The following ANKRD30B variants were observed in gnomAD, a reference collection of about 807,000 sequenced individuals.
ANKRD30B encodes the protein ankyrin repeat domain-containing protein 30B.
A neutral mutation model predicts 202.2 loss-of-function variants in ANKRD30B; 144 were observed. That is an observed-to-expected ratio of 0.71 (90% CI 0.62 to 0.82). The LOEUF (loss-of-function observed/expected upper bound fraction) is 0.82. Among genes scored for constraint, ANKRD30B ranks in the 40% least tolerant of loss-of-function variants. ANKRD30B has a pLI of 0.00. For missense variants in ANKRD30B, 1,487 were observed against 1,669.1 expected, an observed-to-expected ratio of 0.89 and a Z score of 1.90; for synonymous variants, 508 against 561.3, an observed-to-expected ratio of 0.91 and a Z score of 1.34.
At chr18:14,829,651 A>T (rs1009085446) in intron 33 of ANKRD30B, among the ~76,000 whole-genome samples, 3 of 152,210 alleles carry the variant, frequency 2.0e-5, no homozygotes, top group African/African-American at 7.2e-5. Flanking sequence ...TTATCTAGAA[A>T]GGCATACTAA....
In ANKRD30B at chr18:14,791,427, G is replaced by A; in HGVS notation, c.1761G>A (p.Lys587=). Reference sequence around the variant, plus strand: ...GTCCCTGTGAGACGGTTTCACAGAAGGATGTGTATTTACCCAAAGCTACAC... The same window carrying A: ...GTCCCTGTGAGACGGTTTCACAGAAAGATGTGTATTTACCCAAAGCTACAC... ...SESPCETVSQ[K]DVYLPKATHQ... Residue 587 remains lysine, a synonymous_variant, in exon 16 of 44, where the codon AAG becomes AAA. Coordinates refer to ENST00000690538, the MANE Select transcript of ANKRD30B (RefSeq NM_001367607.2). 6.2e-7 allele frequency: 1 copy of A among 1,609,450 alleles called. No individual in the cohort carries two copies. Among genetic ancestry groups the A allele is most frequent in the Non-Finnish European group, 8.5e-7 (1 of 1,178,476 alleles).
intron 16 of ANKRD30B, among the ~76,000 whole-genome samples, chr18:14,794,965 T>C (rs189511596): frequency 0.017 from 2,601 of 152,318 alleles, 82 homozygotes; most frequent in African/African-American, 0.06. Flanking sequence ...GAAATGTCTG[T>C]TTTTTCTTGA....
intron 9 of ANKRD30B, among the ~76,000 whole-genome samples, chr18:14,774,296 A>T (rs1248487669): frequency 6.6e-6 from 1 of 152,134 alleles, no homozygotes; most frequent in Admixed American, 6.5e-5. Context: ...TTTTCATTTT[A>T]TTTAATGACT....
intron 15 of ANKRD30B, among the ~76,000 whole-genome samples, chr18:14,790,008 C>T (rs1359204238): frequency 6.6e-6 from 1 of 152,218 alleles, no homozygotes; most frequent in Non-Finnish European, 1.5e-5. Flanking sequence ...GATATTCATT[C>T]TTCCTACCCA....
the ANKRD30B span, among the ~76,000 whole-genome samples, chr18:14,913,606 A>C: frequency 1.3e-5 from 2 of 152,228 alleles, no homozygotes; most frequent in African/African-American, 2.4e-5. Flanking sequence ...TTACGTGGCA[A>C]GCCCTTACAA....
chr18:14,791,500 C>T lies in ANKRD30B; in HGVS notation c.1825+9C>T. The T allele has an allele frequency of 6.3e-7, 1 of 1,593,490 alleles. No individual in the cohort carries two copies. The highest frequency in any genetic ancestry group is 2.2e-5 in the East Asian group (1 of 44,522). On this transcript the variant is annotated intron_variant, in intron 16 of 43. Coordinates refer to ENST00000690538, the MANE Select transcript of ANKRD30B (RefSeq NM_001367607.2). ...AAGTGGAAAATTAGAAGGTAAGAAC[C>T]ATTTTTTAATTAAAAAGTCATTTGA...
chr18:14,820,207 G>C (rs1335181581), intron 30 of ANKRD30B, among the ~76,000 whole-genome samples: 1 of 152,158 alleles, frequency 6.6e-6, no homozygotes, highest in Non-Finnish European at 1.5e-5. Flanking sequence ...TTTGTACATT[G>C]ATTTTGTATC....
At chr18:14,795,046 A>G (rs1487730118) in intron 16 of ANKRD30B, among the ~76,000 whole-genome samples, 1 of 152,242 alleles carries the variant, frequency 6.6e-6, no homozygotes, top group Non-Finnish European at 1.5e-5. Flanking sequence ...AAATAGAATT[A>G]GTTTTAGCAA....
At chr18:14,755,737 C>A (rs1180672514) in intron 4 of ANKRD30B, among the ~76,000 whole-genome samples, 1 of 152,158 alleles carries the variant, frequency 6.6e-6, no homozygotes, top group Admixed American at 6.5e-5. Flanking sequence ...ATGAACTCAT[C>A]ATTTTTTATG....
intron 26 of ANKRD30B, among the ~76,000 whole-genome samples, chr18:14,809,551 T>C (rs979432022): frequency 4.0e-5 from 6 of 150,730 alleles, no homozygotes; most frequent in Non-Finnish European, 8.9e-5. Context: ...CATGCATCTG[T>C]TTATAGGCTC....
At chr18:14,861,196 G>C in the ANKRD30B span, among the ~76,000 whole-genome samples, 63 of 152,156 alleles carry the variant, frequency 4.1e-4, no homozygotes, top group Non-Finnish European at 8.2e-4. Context: ...AAAATGTACA[G>C]AACCTATAAA....
chr18:14,797,204 A>T (rs1364856186), intron 18 of ANKRD30B, among the ~76,000 whole-genome samples: 2 of 152,132 alleles, frequency 1.3e-5, no homozygotes, highest in African/African-American at 4.8e-5. Context: ...CCATATGGAC[A>T]GGTACCCCCC....
intron 34 of ANKRD30B, 110 bp from the exon 35 acceptor site, chr18:14,837,100 TG>T: frequency 1.6e-6 from 1 of 630,334 alleles, no homozygotes; most frequent in South Asian, 2.2e-5. Flanking sequence ...GTATGTTTTT[TG>T]TTGTTGTTGT....
At chr18:14,935,037 A>G in the ANKRD30B span, among the ~76,000 whole-genome samples, 3 of 152,170 alleles carry the variant, frequency 2.0e-5, no homozygotes, top group South Asian at 6.2e-4. Context: ...CCCTGGGCTC[A>G]GGCCAACCCA....
At chr18:14,873,350 T>C in the ANKRD30B span, among the ~76,000 whole-genome samples, 2 of 151,724 alleles carry the variant, frequency 1.3e-5, no homozygotes, top group Admixed American at 6.6e-5. Context: ...ATGGTGAAAC[T>C]CCATCTCTAC....
At chr18:14,938,691 G>A in the ANKRD30B span, among the ~76,000 whole-genome samples, 3 of 152,116 alleles carry the variant, frequency 2.0e-5, no homozygotes, top group African/African-American at 7.2e-5. Context: ...GTGTTGTGTT[G>A]AACATGGGGA....
chr18:14,768,998 T>C (rs1916686360), intron 7 of ANKRD30B, among the ~76,000 whole-genome samples: 1 of 152,204 alleles, frequency 6.6e-6, no homozygotes, highest in South Asian at 2.1e-4. Flanking sequence ...ACCAAGAGTA[T>C]ACTTAATAAT....
chr18:14,748,468 C>A lies in ANKRD30B; in HGVS notation c.49C>A (p.Pro17Thr). 1.3e-6 allele frequency: 2 copies of A among 1,539,126 alleles called. No homozygotes were observed. Among genetic ancestry groups the A allele is most frequent in the Non-Finnish European group, 1.8e-6 (2 of 1,140,276 alleles). The change falls in exon 1 of 44, where the codon CCC (proline) becomes ACC (threonine). Residue 17 changes from proline (P) to threonine (T), a missense_variant. By Grantham distance (38) the Pro-to-Thr change is conservative. Transcript: ENST00000690538. ...TGGCAAGGGCGTGCGGGGCCCGGAG[C>A]CCCCGAACCCCTTCAGCGAACGGGT... ...AAGKGVRGPE[P>T]PNPFSERVYT...
the ANKRD30B span, among the ~76,000 whole-genome samples, chr18:14,930,037 T>C: frequency 1.4e-4 from 21 of 152,134 alleles, no homozygotes; most frequent in Admixed American, 6.5e-5. Context: ...GAAGGGGTCA[T>C]GTGAGGATAC....
Sources: gnomAD v4.1 joint callset for allele counts (sites outside exome capture counted in the v4.1 genomes callset) on GRCh38, gnomAD v4.1.1 for gene constraint, MANE v1.5 for transcripts, NCBI Gene and HGNC (gene_info 2026-07-23, HGNC 2026-07-21) for gene names.